Variants in RICTOR observed in about 807,000 individuals in gnomAD.
RICTOR encodes RPTOR independent companion of MTOR complex 2.
In RICTOR, 49 loss-of-function variants were observed where a neutral mutation model predicts 214.9. The ratio of observed to expected loss-of-function variants is 0.23; its 90% CI spans 0.18 to 0.29. RICTOR has a LOEUF of 0.29. RICTOR is among the 10% of genes least tolerant of loss of function. The pLI is 1.00. For synonymous variants in RICTOR, 717 were observed against 711.3 expected, an observed-to-expected ratio of 1.01 and a Z score of -0.13; for missense variants, 1,625 against 2,047.0, an observed-to-expected ratio of 0.79 and a Z score of 3.98.
chr5:38,958,664 T>C lies in RICTOR; in HGVS notation c.2343+3A>G, dbSNP rs1278393226. The C allele has an allele frequency of 6.3e-7, 1 of 1,591,634 alleles. No individual in the cohort carries two copies. The highest frequency in any genetic ancestry group is 8.5e-7 in the Non-Finnish European group (1 of 1,171,398). On this transcript the variant is annotated splice_donor_region_variant and intron_variant, in intron 23 of 37. Coordinates refer to ENST00000357387, the MANE Select transcript of RICTOR (RefSeq NM_152756.5). The stretch of plus-strand genomic sequence containing the variant: ...TATTAAATTATAAAAAATGAACCTT[T>C]ACCTTGTCTTCACATGCTTCATCGA...
At chr5:39,003,110 G>A (rs62359818) in intron 4 of RICTOR, among the ~76,000 whole-genome samples, 6,122 of 152,126 alleles carry the variant, frequency 0.04, 178 homozygotes, top group South Asian at 0.067. Flanking sequence ...AGCAGGCACA[G>A]ACCTTTTATA....
At chr5:38,967,666 T>C (rs1342180758) in intron 12 of RICTOR, among the ~76,000 whole-genome samples, 2 of 152,202 alleles carry the variant, frequency 1.3e-5, no homozygotes, top group Non-Finnish European at 2.9e-5. Context: ...AATTAGATAA[T>C]CTGAGGATTA....
intron 2 of RICTOR, among the ~76,000 whole-genome samples, chr5:39,024,594 T>C (rs1277768954): frequency 6.6e-6 from 1 of 152,210 alleles, no homozygotes; most frequent in East Asian, 1.9e-4. Context: ...TTGAGGTTCA[T>C]AGAAGCTAGT....
At chr5:39,073,499 C>G (rs1415978116) in intron 2 of RICTOR, among the ~76,000 whole-genome samples, 53 of 152,166 alleles carry the variant, frequency 3.5e-4, no homozygotes, top group Admixed American at 3.5e-3. Flanking sequence ...CAACTACAGT[C>G]CCAGCGGCCC....
chr5:38,949,353 T>C (rs753923014), intron 31 of RICTOR: 2 of 1,557,120 alleles, frequency 1.3e-6, no homozygotes, highest in Non-Finnish European at 1.7e-6. Context: ...TAAATTGACC[T>C]ACCTGAAAAG....
At position 38,959,966 on chromosome 5, in the gene RICTOR, AG is replaced by A. The variant is rs1749645459; in HGVS notation, c.1863del (p.Tyr622ThrfsTer2). 6.2e-7 allele frequency: 1 copy of A among 1,606,334 alleles called. No homozygotes were observed. The highest frequency in any genetic ancestry group is 8.5e-7 in the Non-Finnish European group (1 of 1,173,454). ...FLLESEEDGQ[G>X]YLEDLVKDIV... ...ATATCCTTTACTAGATCTTCTAAGT[AG>A]CCTTGCCCATCCTAAAAGTAAATAC... On this transcript the variant is annotated frameshift_variant, in exon 21 of 38. Transcript: ENST00000357387. LOFTEE classifies it high-confidence loss of function.
chr5:39,037,494 A>G (rs1458050893), intron 2 of RICTOR, among the ~76,000 whole-genome samples: 1 of 152,114 alleles, frequency 6.6e-6, no homozygotes, highest in Non-Finnish European at 1.5e-5. Context: ...AAATAGAGAC[A>G]CAAAAAACCC....
intron 8 of RICTOR, among the ~76,000 whole-genome samples, chr5:38,980,221 G>C (rs748377657): frequency 6.6e-6 from 1 of 151,974 alleles, no homozygotes; most frequent in African/African-American, 2.4e-5. Context: ...TCACCTGCAA[G>C]CATGTTTCTA....
intron 5 of RICTOR, among the ~76,000 whole-genome samples, chr5:38,999,461 T>C (rs1753448636): frequency 6.6e-6 from 1 of 152,066 alleles, no homozygotes; most frequent in East Asian, 1.9e-4. Context: ...CCTTTGAACA[T>C]GAAGGCAAAA....
rs1242670276 is a variant in RICTOR at position 38,940,573 on chromosome 5, C to A, written c.*1731G>T. On this transcript the variant is annotated 3_prime_UTR_variant, in exon 38 of 38. Coordinates refer to ENST00000357387, the MANE Select transcript of RICTOR (RefSeq NM_152756.5). ...GTATAAAAAAATTATTTATCTTCAACTGGATTTTATGAGAGAAAATCTGAA... is the reference window on the plus strand; with the variant it reads ...GTATAAAAAAATTATTTATCTTCAAATGGATTTTATGAGAGAAAATCTGAA... The A allele has an allele frequency of 4.3e-6, 1 of 232,382 alleles. No homozygotes were observed. Among genetic ancestry groups the A allele is most frequent in the African/African-American group, 2.2e-5 (1 of 45,282 alleles). The allele number at this position is 232,382 out of a possible 1,614,324, so 14.4% of individuals were successfully genotyped here.
chr5:39,015,621 T>C (rs528753217), intron 3 of RICTOR, among the ~76,000 whole-genome samples: 1 of 152,050 alleles, frequency 6.6e-6, no homozygotes, highest in South Asian at 2.1e-4. Flanking sequence ...TCAAAACAAA[T>C]AATCATCTGG....
chr5:38,971,827 C>A, intron 11 of RICTOR, 50 bp downstream of exon 11: 1 of 766,566 alleles, frequency 1.3e-6, no homozygotes, highest in South Asian at 1.6e-5. Flanking sequence ...ATAATTAATT[C>A]CCACTGTTAA....
intron 15 of RICTOR, among the ~76,000 whole-genome samples, chr5:38,965,102 CAT>C (rs1750110074): frequency 6.6e-6 from 1 of 151,804 alleles, no homozygotes; most frequent in African/African-American, 2.4e-5. Context: ...AAGATACACA[CAT>C]ATTAACATAA....
rs1579917945 is a variant in RICTOR, at chr5:38,959,708, A to G, written c.2051+71T>C. On this transcript the variant is annotated intron_variant, in intron 21 of 37. Coordinates refer to ENST00000357387, the MANE Select transcript of RICTOR (RefSeq NM_152756.5). ...CCAAACACATGTACACAGAATAAAA[A>G]GCATACCATATCTAACTACATTAAA... 5 of 973,570 alleles carry G rather than the reference A, an allele frequency of 5.1e-6. No individual in the cohort carries two copies. In the Admixed American group the frequency reaches 9.0e-5, roughly 18 times the overall value. 60.3% of individuals were successfully genotyped at this position (973,570 alleles called of 1,614,324 possible).
rs2112845281 is a variant in RICTOR at position 38,949,784 on chromosome 5, G to A, written c.4064C>T (p.Ala1355Val). The A allele has an allele frequency of 1.2e-6, 2 of 1,613,374 alleles. No individual in the cohort carries two copies. Among genetic ancestry groups the A allele is most frequent in the East Asian group, 2.2e-5 (1 of 44,874 alleles). ...LSHSEALASP[A>V]KDVLFTDTIT... Reference sequence around the variant, plus strand: ...GGTATCAGTAAATAGCACATCTTTTGCTGGAGATGCCAAAGCTTCAGAGTG... The same window carrying A: ...GGTATCAGTAAATAGCACATCTTTTACTGGAGATGCCAAAGCTTCAGAGTG... The change falls in exon 31 of 38, where the codon GCA (alanine) becomes GTA (valine). Residue 1355 changes from alanine to valine, a missense_variant. Physicochemically the swap from Ala to Val is moderately conservative, Grantham distance 64. Around this residue, in one of 5 missense-constraint regions of RICTOR, gnomAD observed 1,214 missense variants for 1,470.5 expected, o/e 0.83. Coordinates refer to ENST00000357387, the MANE Select transcript of RICTOR (RefSeq NM_152756.5).
chr5:39,056,671 AT>A (rs967948118), intron 2 of RICTOR, among the ~76,000 whole-genome samples: 2 of 152,100 alleles, frequency 1.3e-5, no homozygotes, highest in African/African-American at 4.8e-5. Flanking sequence ...AAAAAAAAAA[AT>A]GACAAGTGAC....
In RICTOR at chr5:38,947,268, A is replaced by G. The variant is rs1354317639; in HGVS notation, c.4310T>C (p.Phe1437Ser). The change falls in exon 32 of 38, where the codon TTC (phenylalanine) becomes TCC (serine). Residue 1437 changes from phenylalanine to serine, a missense_variant. By Grantham distance (155) the Phe-to-Ser change is radical. Coordinates refer to ENST00000357387, the MANE Select transcript of RICTOR (RefSeq NM_152756.5). ...CAATAAAATGTATGATAATACCTGG[A>G]ATATATCATTTATATCCACCGGGAG... ...LALPVDINDI[F>S]QVKDIPYFQT... 6.2e-7 allele frequency: 1 copy of G among 1,603,350 alleles called. No homozygotes were observed. Among genetic ancestry groups the G allele is most frequent in the African/African-American group, 1.3e-5 (1 of 74,528 alleles).
In RICTOR at chr5:38,975,240, T is replaced by C. The variant is rs536353848; in HGVS notation, c.889+297A>G. On this transcript the variant is annotated intron_variant, in intron 10 of 37. Transcript: ENST00000357387. ...AGCTAACACTCAAGTTTTGTAGGTT[T>C]TTTTGGTAAAGATCATGCTTAAATT... 4.1e-4 allele frequency among the ~76,000 whole-genome samples: 62 copies of C among 152,294 alleles called. 1 individual carries two copies. The South Asian group carries it at 0.013, about 32-fold the overall frequency.
chr5:39,062,467 A>T (rs1758611544), intron 2 of RICTOR, among the ~76,000 whole-genome samples: 1 of 151,982 alleles, frequency 6.6e-6, no homozygotes, highest in Admixed American at 6.6e-5. Flanking sequence ...TAGTGTGGTA[A>T]ACATTAGAAA....
Sources: allele counts gnomAD v4.1 joint callset (sites outside exome capture counted in the v4.1 genomes callset), GRCh38; gene constraint gnomAD v4.1.1; regional missense constraint gnomAD v4.1.1; transcripts MANE v1.5; gene names NCBI Gene and HGNC (gene_info 2026-07-23, HGNC 2026-07-21).